The following ATRNL1 variants were observed in gnomAD, a reference collection of about 807,000 sequenced individuals.
The protein encoded by ATRNL1 is attractin like 1.
ATRNL1 carries 95 observed loss-of-function variants against 182.7 expected under a neutral mutation model. The ratio of observed to expected loss-of-function variants is 0.52; its 90% confidence interval spans 0.44 to 0.62. The LOEUF (loss-of-function observed/expected upper bound fraction) is 0.62, where lower values mean the gene tolerates loss of function less well. Ranked by LOEUF, ATRNL1 falls within the 20% of genes least tolerant of loss-of-function variation. The probability of loss-of-function intolerance (pLI) is 0.00; values close to 1 mark genes in which losing one functional copy is unlikely to be tolerated. For synonymous variants in ATRNL1, 576 were observed against 568.3 expected (o/e 1.01, Z -0.19); for missense variants, 1,471 against 1,679.5 (o/e 0.88, Z 2.17).
intron 25 of ATRNL1, among the ~76,000 whole-genome samples, chr10:115,547,154 C>A (rs111550693): frequency 6.6e-6 from 1 of 151,582 alleles, no homozygotes. Context: ...ACTCAGGAGG[C>A]TGAGGTGGGA....
chr10:115,606,485 GAAATA>G (rs1856880255), intron 26 of ATRNL1, among the ~76,000 whole-genome samples: 1 of 152,108 alleles, frequency 6.6e-6, no homozygotes, highest in South Asian at 2.1e-4. Context: ...TAACATTTCA[GAAATA>G]AAATAATGAG....
chr10:115,165,700 C>A, intron 7 of ATRNL1, 55 bp downstream of exon 7: 1 of 975,176 alleles, frequency 1.0e-6, no homozygotes, highest in East Asian at 2.5e-5. Context: ...TAGTTTACCA[C>A]AGGCTAAAAA....
At chr10:115,498,194 T>C (rs976785311) in intron 24 of ATRNL1, among the ~76,000 whole-genome samples, 28 of 152,124 alleles carry the variant, frequency 1.8e-4, no homozygotes, top group Non-Finnish European at 2.9e-5. Flanking sequence ...ATGTCCGATA[T>C]TTATTTTCTT....
At chr10:115,485,076 T>C (rs1848956689) in intron 24 of ATRNL1, among the ~76,000 whole-genome samples, 1 of 152,026 alleles carries the variant, frequency 6.6e-6, no homozygotes. Context: ...GCATTGATAT[T>C]AATAAGTGAT....
Position 115,928,839 on chromosome 10 carries a change from G to A in ATRNL1, c.4019-15819G>A, listed in dbSNP as rs1442518938. Among the ~76,000 whole-genome samples, 7 of 151,996 alleles carry A rather than the reference G, an allele frequency of 4.6e-5. No homozygotes were observed. The South Asian group carries it at 6.2e-4, about 14-fold the overall frequency. ...GTTTCATGTATCTGTGTTTGTGGGTGTGAAAAGCACCTTTATTACTGGGAA... is the reference window on the plus strand; with the variant it reads ...GTTTCATGTATCTGTGTTTGTGGGTATGAAAAGCACCTTTATTACTGGGAA... On this transcript the variant is annotated intron_variant, in intron 28 of 28. Coordinates refer to ENST00000355044, the MANE Select transcript of ATRNL1 (RefSeq NM_207303.4).
At chr10:115,294,157 T>C (rs1554921854) in intron 15 of ATRNL1, among the ~76,000 whole-genome samples, 1 of 152,206 alleles carries the variant, frequency 6.6e-6, no homozygotes, top group African/African-American at 2.4e-5. Flanking sequence ...TTCTATTTTA[T>C]TTTTGTTACC....
chr10:115,889,767 C>A (rs1952035533), intron 28 of ATRNL1, among the ~76,000 whole-genome samples: 1 of 152,142 alleles, frequency 6.6e-6, no homozygotes, highest in Admixed American at 6.5e-5. Context: ...TATTTATCAA[C>A]CCTGAGAATG....
At chr10:115,202,439 G>C (rs1848621184) in intron 8 of ATRNL1, among the ~76,000 whole-genome samples, 1 of 152,098 alleles carries the variant, frequency 6.6e-6, no homozygotes, top group African/African-American at 2.4e-5. Context: ...TTTTTAGCAT[G>C]AAGGGCTGTT....
intron 28 of ATRNL1, among the ~76,000 whole-genome samples, chr10:115,869,749 A>G (rs1555105628): frequency 6.6e-6 from 1 of 152,112 alleles, no homozygotes; most frequent in African/African-American, 2.4e-5. Flanking sequence ...TCAGGACTTT[A>G]GACATATTTG....
intron 28 of ATRNL1, among the ~76,000 whole-genome samples, chr10:115,939,280 G>A (rs567584314): frequency 7.2e-5 from 11 of 152,276 alleles, no homozygotes; most frequent in Non-Finnish European, 1.5e-4. Context: ...CCTGCCCTAG[G>A]TGAACCAGAG....
At chr10:115,377,583 C>G (rs1206704913) in intron 19 of ATRNL1, among the ~76,000 whole-genome samples, 1 of 152,084 alleles carries the variant, frequency 6.6e-6, no homozygotes, top group African/African-American at 2.4e-5. Flanking sequence ...GTTACTGGAG[C>G]TTTTGTGGTA....
intron 27 of ATRNL1, among the ~76,000 whole-genome samples, chr10:115,821,949 C>A (rs559335071): frequency 6.6e-6 from 1 of 152,272 alleles, no homozygotes; most frequent in African/African-American, 2.4e-5. Context: ...ATCTACAGAA[C>A]TCTCCACCCC....
At chr10:115,851,438 G>A (rs1951054302) in intron 28 of ATRNL1, among the ~76,000 whole-genome samples, 1 of 152,038 alleles carries the variant, frequency 6.6e-6, no homozygotes, top group Non-Finnish European at 1.5e-5. Context: ...AGCAATATGT[G>A]GCAAGTAATG....
chr10:115,203,246 C>T (rs1450076042), intron 8 of ATRNL1, among the ~76,000 whole-genome samples: 7 of 152,028 alleles, frequency 4.6e-5, no homozygotes, highest in African/African-American at 1.4e-4. Flanking sequence ...GGTAATACTC[C>T]ACCAACAAAT....
intron 22 of ATRNL1, among the ~76,000 whole-genome samples, chr10:115,466,902 A>G (rs937066267): frequency 6.6e-6 from 1 of 151,142 alleles, no homozygotes; most frequent in Non-Finnish European, 1.5e-5. Flanking sequence ...GAGAATCCAA[A>G]TAAAAATATT....
intron 8 of ATRNL1, among the ~76,000 whole-genome samples, chr10:115,194,678 C>A (rs1452354591): frequency 1.3e-5 from 2 of 151,636 alleles, no homozygotes; most frequent in South Asian, 4.2e-4. Context: ...GAATTTAGTC[C>A]GTTTACATTC....
chr10:115,900,468 G>A (rs1237159949), intron 28 of ATRNL1, among the ~76,000 whole-genome samples: 1 of 152,128 alleles, frequency 6.6e-6, no homozygotes, highest in Non-Finnish European at 1.5e-5. Context: ...TACAAAACAG[G>A]AGATAATATT....
chr10:115,788,184 C>T (rs1555080831), intron 27 of ATRNL1, among the ~76,000 whole-genome samples: 1 of 152,118 alleles, frequency 6.6e-6, no homozygotes, highest in Admixed American at 6.6e-5. Flanking sequence ...AAAATGCATC[C>T]TCTGAGTTGA....
chr10:115,458,639 G>C (rs991761854), intron 21 of ATRNL1, among the ~76,000 whole-genome samples: 1 of 152,080 alleles, frequency 6.6e-6, no homozygotes, highest in African/African-American at 2.4e-5. Context: ...AGTCCATATA[G>C]ACAGAAAAAT....
Sources: gnomAD v4.1 joint callset for allele counts (sites outside exome capture counted in the v4.1 genomes callset) on GRCh38, gnomAD v4.1.1 for gene constraint, MANE v1.5 for transcripts, NCBI Gene and HGNC (gene_info 2026-07-23, HGNC 2026-07-21) for gene names.